RASSF8: variants seen among roughly 807,000 people sequenced by gnomAD.
RASSF8 encodes the protein ras association domain-containing protein 8.
A neutral mutation model predicts 48.5 loss-of-function variants in RASSF8; 22 were observed. That is an observed-to-expected ratio of 0.45 (90% CI 0.32 to 0.65). RASSF8 has a LOEUF of 0.65. Among genes scored for constraint, RASSF8 ranks in the 30% least tolerant of loss-of-function variants. RASSF8 has a pLI of 0.03. For missense variants in RASSF8, 418 were observed against 489.2 expected (o/e 0.85, Z 1.37); for synonymous variants, 127 against 171.5 (o/e 0.74, Z 2.03).
intron 1 of RASSF8, among the ~76,000 whole-genome samples, chr12:25,962,453 T>A (rs1941259118): frequency 6.6e-6 from 1 of 152,238 alleles, no homozygotes; most frequent in Non-Finnish European, 1.5e-5. Context: ...TATTATTTAA[T>A]CACTTAGGGT....
At chr12:26,043,020 T>G (rs1943298527) in intron 2 of RASSF8, among the ~76,000 whole-genome samples, 1 of 152,142 alleles carries the variant, frequency 6.6e-6, no homozygotes, top group Non-Finnish European at 1.5e-5. Flanking sequence ...AAACTCTGTT[T>G]GTTTCCGTCC....
intron 1 of RASSF8, among the ~76,000 whole-genome samples, chr12:25,968,578 A>G (rs1190999806): frequency 2.0e-5 from 3 of 152,132 alleles, no homozygotes; most frequent in Non-Finnish European, 2.9e-5. Flanking sequence ...TCCTGACCTC[A>G]GGTAATCCAC....
chr12:26,079,135 C>G, exon 6 of RASSF8: 1 of 1,162,260 alleles, frequency 8.6e-7, no homozygotes, highest in South Asian at 1.5e-5. Context: ...ACATTAAACC[C>G]AAAACTCCTG....
At chr12:26,061,108 T>TA (rs923048241) in intron 3 of RASSF8, among the ~76,000 whole-genome samples, 1 of 152,128 alleles carries the variant, frequency 6.6e-6, no homozygotes, top group African/African-American at 2.4e-5. Context: ...GTTAACTAAA[T>TA]AGCAAGATGT....
chr12:25,986,081 C>T (rs906828098), intron 1 of RASSF8, among the ~76,000 whole-genome samples: 43 of 152,124 alleles, frequency 2.8e-4, no homozygotes, highest in Admixed American at 5.2e-4. Flanking sequence ...GCAAGTGATT[C>T]TCTTGGTCTC....
At chr12:25,961,948 C>G (rs1460735671) in intron 1 of RASSF8, among the ~76,000 whole-genome samples, 1 of 152,140 alleles carries the variant, frequency 6.6e-6, no homozygotes, top group Non-Finnish European at 1.5e-5. Context: ...CCCCACTATT[C>G]TGCCATCCTA....
chr12:25,999,892 A>G (rs73077155), intron 2 of RASSF8, among the ~76,000 whole-genome samples: 12,411 of 152,242 alleles, frequency 0.082, 584 homozygotes, highest in Middle Eastern at 0.14. Flanking sequence ...AAGAAATGCA[A>G]TTGGCCTGTA....
At chr12:25,985,694 G>A (rs993889878) in intron 1 of RASSF8, among the ~76,000 whole-genome samples, 7 of 152,198 alleles carry the variant, frequency 4.6e-5, no homozygotes, top group Non-Finnish European at 8.8e-5. Context: ...TTACAGATGT[G>A]GAATTTAGGG....
chr12:25,999,583 G>A (rs1275628306), intron 2 of RASSF8, among the ~76,000 whole-genome samples: 1 of 152,096 alleles, frequency 6.6e-6, no homozygotes, highest in Non-Finnish European at 1.5e-5. Flanking sequence ...TTAAAAATCA[G>A]CTGGGCACAG....
intron 2 of RASSF8, among the ~76,000 whole-genome samples, chr12:26,034,685 G>A (rs185939621): frequency 2.6e-4 from 39 of 151,944 alleles, no homozygotes; most frequent in African/African-American, 8.9e-4. Flanking sequence ...CCCATATTTC[G>A]AAATTAAGGA....
intron 1 of RASSF8, among the ~76,000 whole-genome samples, chr12:25,975,092 C>T (rs530896435): frequency 6.6e-6 from 1 of 152,220 alleles, no homozygotes; most frequent in South Asian, 2.1e-4. Flanking sequence ...CTTCCTAAGT[C>T]CACCTGAGGA....
chr12:26,046,713 C>A (rs1046259393), intron 2 of RASSF8, among the ~76,000 whole-genome samples: 2 of 152,136 alleles, frequency 1.3e-5, no homozygotes, highest in African/African-American at 2.4e-5. Context: ...AACATTGCGT[C>A]TTTCACATAG....
chr12:26,017,857 A>C (rs1257977391), intron 2 of RASSF8, among the ~76,000 whole-genome samples: 1 of 152,240 alleles, frequency 6.6e-6, no homozygotes, highest in African/African-American at 2.4e-5. Flanking sequence ...AAGTATTTTA[A>C]GGGTCCAGAT....
intron 5 of RASSF8, among the ~76,000 whole-genome samples, chr12:26,078,109 AT>A (rs1944087254): frequency 6.6e-6 from 1 of 152,204 alleles, no homozygotes; most frequent in Admixed American, 6.5e-5. Flanking sequence ...TATTTATTGA[AT>A]GCCTACTGTG....
In RASSF8 at chr12:26,071,853, T is replaced by A; in HGVS notation, c.*3035T>A. On this transcript the variant is annotated 3_prime_UTR_variant, in exon 6 of 6. Transcript: ENST00000689635. ...AATTTATGGTGTGAAATATGAAGTA[T>A]AGCAATATATAACAAGAACATGTAA... The A allele has an allele frequency of 1.0e-6, 1 of 984,116 alleles. No individual in the cohort carries two copies. The allele number at this position is 984,116 out of a possible 1,614,324, so 61.0% of individuals were successfully genotyped here.
At chr12:26,053,508 C>T (rs1943538039) in intron 2 of RASSF8, among the ~76,000 whole-genome samples, 1 of 152,136 alleles carries the variant, frequency 6.6e-6, no homozygotes, top group Admixed American at 6.5e-5. Flanking sequence ...CTAGATTGGG[C>T]AGCATATAAA....
At chr12:26,019,585 G>A (rs796288358) in intron 2 of RASSF8, among the ~76,000 whole-genome samples, 1 of 151,004 alleles carries the variant, frequency 6.6e-6, no homozygotes, top group Non-Finnish European at 1.5e-5. Flanking sequence ...GTGTGTGTGT[G>A]TGTGTGTGTG....
Position 26,071,757 on chromosome 12 carries a change from T to A in RASSF8, c.*2939T>A. On this transcript the variant is annotated 3_prime_UTR_variant, in exon 6 of 6. Coordinates refer to ENST00000689635, the MANE Select transcript of RASSF8 (RefSeq NM_001394098.1). Reference sequence around the variant, plus strand: ...TAATCATCAATTCCTATAGTTCAAATTAGTCATAAACAAGAGCTACAGCAA... The same window carrying A: ...TAATCATCAATTCCTATAGTTCAAAATAGTCATAAACAAGAGCTACAGCAA... The A allele has an allele frequency of 1.0e-6, 1 of 983,824 alleles. No individual in the cohort carries two copies. The highest frequency in any genetic ancestry group is 1.2e-6 in the Non-Finnish European group (1 of 828,558). The allele number at this position is 983,824 out of a possible 1,614,324, so 60.9% of individuals were successfully genotyped here.
At position 26,069,677 on chromosome 12, in the gene RASSF8, C is replaced by T. The variant is rs1943959578; in HGVS notation, c.*859C>T. On this transcript the variant is annotated 3_prime_UTR_variant, in exon 6 of 6. Transcript: ENST00000689635. ...TCATGGATCTTCAGAATTAATCTAACATGGAAGTTATAGATACCTGAAAGC... is the reference window on the plus strand; with the variant it reads ...TCATGGATCTTCAGAATTAATCTAATATGGAAGTTATAGATACCTGAAAGC... The T allele has an allele frequency of 2.0e-6, 2 of 985,256 alleles. No homozygotes were observed. Among genetic ancestry groups the T allele is most frequent in the South Asian group, 4.7e-5 (1 of 21,290 alleles). 61.0% of individuals were successfully genotyped at this position (985,256 alleles called of 1,614,324 possible).
Sources: gnomAD v4.1 joint callset for allele counts (sites outside exome capture counted in the v4.1 genomes callset) on GRCh38, gnomAD v4.1.1 for gene constraint, MANE v1.5 for transcripts, NCBI Gene and HGNC (gene_info 2026-07-23, HGNC 2026-07-21) for gene names.